The following TOMT variants were observed in gnomAD, a reference collection of about 807,000 sequenced individuals.
TOMT encodes transmembrane O-methyltransferase.
TOMT carries 23 observed loss-of-function variants against 21.7 expected under a neutral mutation model. The observed-to-expected ratio is 1.06, with a 90% CI of 0.76 to 1.50. The LOEUF (loss-of-function observed/expected upper bound fraction) is 1.50. TOMT is among the 40% of genes most tolerant of loss of function. TOMT has a pLI of 0.00. For missense variants in TOMT, 331 were observed against 348.7 expected (o/e 0.95, Z 0.41); for synonymous variants, 132 against 150.8 (o/e 0.88, Z 0.91).
chr11:72,107,306 G>C (rs747634318), intron 1 of TOMT: 73 of 605,170 alleles, frequency 1.2e-4, no homozygotes, highest in Non-Finnish European at 1.4e-4. Context: ...TCCAAGATCA[G>C]AAATACATTT....
chr11:72,106,259 A>AAGGAAT, intron 1 of TOMT, 49 bp downstream of exon 1: 2 of 1,402,034 alleles, frequency 1.4e-6, no homozygotes, highest in Non-Finnish European at 9.3e-7. Context: ...CAAGACAGTG[A>AAGGAAT]AGGAATATTT....
At position 72,109,180 on chromosome 11, in the gene TOMT, G is replaced by A. The variant is rs191758747; in HGVS notation, c.*255G>A. ...CTGACAGCAAGAAGCCTGAGCTCCCGACCCAGCTCTGTCACTGATTTGCTG... is the reference window on the plus strand; with the variant it reads ...CTGACAGCAAGAAGCCTGAGCTCCCAACCCAGCTCTGTCACTGATTTGCTG... On this transcript the variant is annotated 3_prime_UTR_variant, in exon 3 of 3. Coordinates refer to ENST00000541899, the Ensembl canonical transcript of TOMT. The A allele has an allele frequency of 2.0e-3, 1,039 of 521,432 alleles. 6 individuals carry two copies. Among genetic ancestry groups the A allele is most frequent in the South Asian group, 5.6e-3 (272 of 48,706 alleles). 32.3% of individuals were successfully genotyped at this position (521,432 alleles called of 1,614,324 possible).
Position 72,106,423 on chromosome 11 carries a change from G to A in TOMT, c.259+213G>A, listed in dbSNP as rs958556554. 8.9e-5 allele frequency: 45 copies of A among 508,262 alleles called. No individual in the cohort carries two copies. In the East Asian group the frequency reaches 1.2e-3, roughly 14 times the overall value. 31.5% of individuals were successfully genotyped at this position (508,262 alleles called of 1,614,324 possible). A position where few individuals can be genotyped will look rare whatever the true frequency, so the allele number is the denominator to read the frequency against. Reference sequence around the variant, plus strand: ...CTCTTTTGTATTAGGAATGTGCTAGGTGCCAGGGAGAGGGGTAGAGGCCAC... The same window carrying A: ...CTCTTTTGTATTAGGAATGTGCTAGATGCCAGGGAGAGGGGTAGAGGCCAC... On this transcript the variant is annotated intron_variant, in intron 1 of 2. Coordinates refer to ENST00000541899, the Ensembl canonical transcript of TOMT.
chr11:72,108,962 C>T, exon 3 of TOMT: 1 of 1,447,380 alleles, frequency 6.9e-7, no homozygotes, highest in South Asian at 1.4e-5. Context: ...TGCCCACCCC[C>T]ACCCCCACCC....
Position 72,108,661 on chromosome 11 carries a change from T to A in TOMT, c.513T>A (p.Tyr171Ter). 6.6e-7 allele frequency: 1 copy of A among 1,524,844 alleles called. No individual in the cohort carries two copies. 94.5% of individuals were successfully genotyped at this position (1,524,844 alleles called of 1,614,324 possible). A position where few individuals can be genotyped will look rare whatever the true frequency, so the allele number is the denominator to read the frequency against. The change falls in exon 3 of 3, where the codon TAT becomes TAA. Residue 171 changes from tyrosine to a stop codon, truncating the protein, a stop_gained. Coordinates refer to ENST00000541899, the Ensembl canonical transcript of TOMT. LOFTEE classifies it high-confidence loss of function. Reference sequence around the variant, plus strand: ...TGATCCCGTGCCTACGCACCCAGTATCAGCTGAGTCGGGCAGACCTGGTGC... The same window carrying A: ...TGATCCCGTGCCTACGCACCCAGTAACAGCTGAGTCGGGCAGACCTGGTGC...
exon 1 of TOMT, chr11:72,106,050 G>A: frequency 6.4e-7 from 1 of 1,550,958 alleles, no homozygotes; most frequent in Non-Finnish European, 8.7e-7. Flanking sequence ...CGGTCTTGCT[G>A]CGAAGCCTCC....
exon 2 of TOMT, chr11:72,108,037 G>A (rs758115449): frequency 1.0e-5 from 16 of 1,551,230 alleles, no homozygotes; most frequent in Middle Eastern, 1.7e-4. Flanking sequence ...CCTGGGGGTC[G>A]CCTTCTTACT....
At chr11:72,107,870 G>T in intron 1 of TOMT, 53 bp from the exon 2 acceptor site, 1 of 1,540,392 alleles carries the variant, frequency 6.5e-7, no homozygotes, top group Non-Finnish European at 8.8e-7. Context: ...TCTTTTATCA[G>T]GGGCCCTGCA....
exon 2 of TOMT, chr11:72,107,924 T>G: frequency 6.4e-7 from 1 of 1,551,624 alleles, no homozygotes; most frequent in Non-Finnish European, 8.7e-7. Context: ...CCCTCATAGG[T>G]CAGATCCTGA....
intron 1 of TOMT, 116 bp downstream of exon 1, chr11:72,106,326 G>T: frequency 1.2e-5 from 14 of 1,157,774 alleles, no homozygotes; most frequent in Non-Finnish European, 1.6e-5. Context: ...CTCTTTTAGG[G>T]CCTCTTTTTT....
chr11:72,109,031 T>C (rs1258760351), exon 3 of TOMT: 1 of 1,008,534 alleles, frequency 9.9e-7, no homozygotes, highest in Non-Finnish European at 1.4e-6. Flanking sequence ...CACGCTGGGC[T>C]CAGGGCTAGG....
exon 3 of TOMT, chr11:72,109,036 G>A: frequency 1.0e-6 from 1 of 953,748 alleles, no homozygotes; most frequent in South Asian, 1.7e-5. Flanking sequence ...TGGGCTCAGG[G>A]CTAGGGAGTC....
Position 72,108,189 on chromosome 11 carries a change from G to A in TOMT, c.456+70G>A. 4.4e-6 allele frequency: 6 copies of A among 1,362,104 alleles called. No homozygotes were observed. The South Asian group carries it at 7.9e-5, about 18-fold the overall frequency. 84.4% of individuals were successfully genotyped at this position (1,362,104 alleles called of 1,614,324 possible). On this transcript the variant is annotated intron_variant, in intron 2 of 2. Transcript: ENST00000541899. ...CTTGCCCCCAGACATCCCTTGTGAA[G>A]GACTCCCATCTAAGGAGAAGGAAGC...
exon 3 of TOMT, chr11:72,109,189 C>T (rs1946074049): frequency 5.9e-6 from 3 of 511,174 alleles, no homozygotes; most frequent in Non-Finnish European, 1.1e-5. Flanking sequence ...CGACCCAGCT[C>T]TGTCACTGAT....
At chr11:72,107,696 C>A in intron 1 of TOMT, 1 of 617,172 alleles carries the variant, frequency 1.6e-6, no homozygotes, top group Non-Finnish European at 2.9e-6. Context: ...CTCACAGGAG[C>A]CAAGGAGTAA....
intron 1 of TOMT, chr11:72,107,520 GAATGAGACA>G (rs1565331085): frequency 1.4e-6 from 1 of 702,970 alleles, no homozygotes; most frequent in Non-Finnish European, 2.6e-6. Context: ...TGGCATGAAG[GAATGAGACA>G]GCTTGATGGA....
At chr11:72,107,756 T>C (rs1945830152) in intron 1 of TOMT, among the ~76,000 whole-genome samples, 167 bp from the exon 2 acceptor site, 1 of 152,150 alleles carries the variant, frequency 6.6e-6, no homozygotes, top group South Asian at 2.1e-4. Flanking sequence ...AAGACTACAC[T>C]GTAGGAGACG....
At chr11:72,108,159 C>T (rs1945901800) in intron 2 of TOMT, 40 bp downstream of exon 2, 2 of 1,451,210 alleles carry the variant, frequency 1.4e-6, no homozygotes. Flanking sequence ...TTTGTCACCC[C>T]AGGCCTTGCC....
At chr11:72,108,019 C>G (rs1945873089) in exon 2 of TOMT, 2 of 1,551,654 alleles carry the variant, frequency 1.3e-6, no homozygotes, top group Non-Finnish European at 1.7e-6. Flanking sequence ...ATTGCCCGAG[C>G]CCTGCCCCCT....
Sources: gnomAD v4.1 joint callset for allele counts (sites outside exome capture counted in the v4.1 genomes callset) on GRCh38, gnomAD v4.1.1 for gene constraint, MANE v1.5 for transcripts, NCBI Gene and HGNC (gene_info 2026-07-23, HGNC 2026-07-21) for gene names.